The following ATXN3 variants were observed in gnomAD, a reference collection of about 807,000 sequenced individuals.
The protein encoded by ATXN3 is ataxin-3.
In ATXN3, 28 loss-of-function variants were observed where a neutral mutation model predicts 58.2. The ratio of observed to expected loss-of-function variants is 0.48; its 90% CI spans 0.36 to 0.66. ATXN3 has a LOEUF of 0.66. Among genes scored for constraint, ATXN3 ranks in the 30% least tolerant of loss-of-function variants. The probability of loss-of-function intolerance (pLI) is 0.00; values close to 1 mark genes in which losing one functional copy is unlikely to be tolerated. For synonymous variants in ATXN3, 113 were observed against 138.5 expected (o/e 0.82, Z 1.29); for missense variants, 321 against 422.1 (o/e 0.76, Z 2.10).
intron 5 of ATXN3, among the ~76,000 whole-genome samples, chr14:92,090,835 T>TTA (rs1163585418): frequency 6.6e-6 from 1 of 152,130 alleles, no homozygotes; most frequent in African/African-American, 2.4e-5. Flanking sequence ...ATCATAATTT[T>TTA]TAAAAACACA....
chr14:92,063,998 A>G lies in ATXN3; in HGVS notation c.*322T>C, dbSNP rs2057966468. 2 of 169,184 alleles carry G rather than the reference A, an allele frequency of 1.2e-5. No homozygotes were observed. The highest frequency in any genetic ancestry group is 6.3e-5 in the Admixed American group (1 of 15,958). The allele number at this position is 169,184 out of a possible 1,614,324, so 10.5% of individuals were successfully genotyped here. On this transcript the variant is annotated 3_prime_UTR_variant, in exon 11 of 11. Coordinates refer to ENST00000644486, the MANE Select transcript of ATXN3 (RefSeq NM_004993.6). The stretch of plus-strand genomic sequence containing the variant: ...TGGAAAAAGCCTGAGGCGAGAGCTA[A>G]TTAGCTAGTCTGCAAAAAGATCCAA...
In ATXN3 at chr14:92,061,667, G is replaced by C. The variant is rs1307318450; in HGVS notation, c.*2653C>G. On this transcript the variant is annotated 3_prime_UTR_variant, in exon 11 of 11. Coordinates refer to ENST00000644486, the MANE Select transcript of ATXN3 (RefSeq NM_004993.6). ...TAGCAGGACAGTTCTTGTGAATTTAGTTGTTCCTGACTTTCTTGCAGGTGG... is the reference window on the plus strand; with the variant it reads ...TAGCAGGACAGTTCTTGTGAATTTACTTGTTCCTGACTTTCTTGCAGGTGG... The C allele has an allele frequency of 6.6e-6, 1 of 152,192 alleles. No individual in the cohort carries two copies. The highest frequency in any genetic ancestry group is 2.4e-5 in the African/African-American group (1 of 41,448). The allele number at this position is 152,192 out of a possible 1,614,324, so 9.4% of individuals were successfully genotyped here.
At chr14:92,075,721 G>C (rs962131210) in intron 9 of ATXN3, among the ~76,000 whole-genome samples, 2 of 152,186 alleles carry the variant, frequency 1.3e-5, no homozygotes, top group African/African-American at 2.4e-5. Flanking sequence ...AGAACCTAGA[G>C]AGACAACGAA....
intron 10 of ATXN3, among the ~76,000 whole-genome samples, chr14:92,069,565 G>T (rs1595556748): frequency 6.6e-6 from 1 of 151,962 alleles, no homozygotes; most frequent in East Asian, 1.9e-4. Context: ...TAGAGACAGG[G>T]TTTTGCCATG....
intron 10 of ATXN3, among the ~76,000 whole-genome samples, chr14:92,068,257 G>T (rs2058791392): frequency 6.6e-6 from 1 of 152,224 alleles, no homozygotes; most frequent in Admixed American, 6.5e-5. Context: ...GGGGAGAAGT[G>T]TACCTTATGA....
Position 92,063,921 on chromosome 14 carries a change from T to TA in ATXN3, c.*398dup, listed in dbSNP as rs1247875071. 1 of 159,112 alleles carries TA rather than the reference T, an allele frequency of 6.3e-6. No individual in the cohort carries two copies. The highest frequency in any genetic ancestry group is 6.3e-5 in the Admixed American group (1 of 15,888). The allele number at this position is 159,112 out of a possible 1,614,324, so 9.9% of individuals were successfully genotyped here. A position where few individuals can be genotyped will look rare whatever the true frequency, so the allele number is the denominator to read the frequency against. On this transcript the variant is annotated 3_prime_UTR_variant, in exon 11 of 11. Transcript: ENST00000644486. The stretch of plus-strand genomic sequence containing the variant: ...GTTAATAAGAAATGAAAGCCACTAT[T>TA]ACATGATGTGAGCCAACTTACCTAC...
At chr14:92,104,047 C>T (rs1006924310) in intron 1 of ATXN3, among the ~76,000 whole-genome samples, 1 of 152,216 alleles carries the variant, frequency 6.6e-6, no homozygotes, top group Non-Finnish European at 1.5e-5. Context: ...TGAATCTTCA[C>T]ATGCTATGTA....
chr14:92,055,123 G>A (rs187872123), downstream of ATXN3, among the ~76,000 whole-genome samples: 60 of 152,182 alleles, frequency 3.9e-4, no homozygotes, highest in Non-Finnish European at 6.8e-4. This position sits in a 1 kb window ranked among gnomAD's most constrained non-coding sequence, Gnocchi z 4.5. Context: ...CTCGTGATCC[G>A]CCTGCCTCAG....
At chr14:92,095,907 A>C (rs1160545586) in intron 3 of ATXN3, among the ~76,000 whole-genome samples, 186 bp downstream of exon 3, 1 of 151,684 alleles carries the variant, frequency 6.6e-6, no homozygotes, top group Admixed American at 6.6e-5. Context: ...ACGCCACTGC[A>C]CTCCAGCCTA....
chr14:92,047,901 A>C (rs2057434360), exon 2 of ATXN3: 1 of 152,224 alleles, frequency 6.6e-6, no homozygotes, highest in African/African-American at 2.4e-5. Flanking sequence ...CCTACCCTCT[A>C]CTGTAAGAGT....
chr14:92,076,939 CAAAAAAAAAA>C (rs1157708694), intron 9 of ATXN3, among the ~76,000 whole-genome samples: 3 of 59,832 alleles, frequency 5.0e-5, no homozygotes, highest in African/African-American at 1.9e-4. Context: ...GATTTCGTCT[CAAAAAAAAAA>C]AAAAAAAAAA....
chr14:92,049,568 AAGGGTAGCAAG>A (rs144883351), intron 1 of ATXN3: 5,651 of 160,446 alleles, frequency 0.035, 298 homozygotes, highest in African/African-American at 0.12. Context: ...AGGGAGATTG[AAGGGTAGCAAG>A]AGAGGATGGA....
At chr14:92,056,298 T>C (rs1171060054), downstream of ATXN3, among the ~76,000 whole-genome samples, 1 of 152,222 alleles carries the variant, frequency 6.6e-6, no homozygotes. Flanking sequence ...GAATTTGACA[T>C]TTTCGGGCTT....
chr14:92,070,737 C>T (rs1347329293), intron 10 of ATXN3, 198 bp downstream of exon 10: 46 of 1,312,860 alleles, frequency 3.5e-5, no homozygotes, highest in Non-Finnish European at 4.3e-5. Context: ...TGAGCCACCA[C>T]ATCTAGCTTT....
chr14:92,049,380 G>T (rs894578580), intron 1 of ATXN3, among the ~76,000 whole-genome samples: 8 of 152,106 alleles, frequency 5.3e-5, no homozygotes, highest in Admixed American at 1.3e-4. Context: ...ATGGAGTGTG[G>T]GTGAATAATC....
At chr14:92,046,589 G>A (rs1247773032) in intron 2 of ATXN3, among the ~76,000 whole-genome samples, 1 of 139,382 alleles carries the variant, frequency 7.2e-6, no homozygotes, top group African/African-American at 2.9e-5. Flanking sequence ...GGGAGAGCTA[G>A]TGTGGGAGCA....
chr14:92,081,465 C>CAAAAAAAAAA (rs58398762), intron 8 of ATXN3, among the ~76,000 whole-genome samples: 1 of 82,974 alleles, frequency 1.2e-5, no homozygotes, highest in Non-Finnish European at 2.5e-5. Flanking sequence ...GACTCTGACT[C>CAAAAAAAAAA]AAAAAAAAAA....
downstream of ATXN3, among the ~76,000 whole-genome samples, chr14:92,055,578 C>T (rs1352227838): frequency 6.6e-6 from 1 of 152,152 alleles, no homozygotes; most frequent in Admixed American, 6.6e-5. This position sits in a 1 kb window ranked among gnomAD's most constrained non-coding sequence, Gnocchi z 4.5. Context: ...TTGACTATTC[C>T]AAAGATCTTA....
At position 92,063,820 on chromosome 14, in the gene ATXN3, A is replaced by G. The variant is rs1268072999; in HGVS notation, c.*500T>C. 1 of 152,514 alleles carries G rather than the reference A, an allele frequency of 6.6e-6. No individual in the cohort carries two copies. The highest frequency in any genetic ancestry group is 1.5e-5 in the Non-Finnish European group (1 of 68,298). The allele number at this position is 152,514 out of a possible 1,614,324, so 9.4% of individuals were successfully genotyped here. A position where few individuals can be genotyped will look rare whatever the true frequency, so the allele number is the denominator to read the frequency against. ...GCACACGGTATACAGTTGAAGGGAG[A>G]ACTGTTCATCCTTCTAGAACCATTA... On this transcript the variant is annotated 3_prime_UTR_variant, in exon 11 of 11. Coordinates refer to ENST00000644486, the MANE Select transcript of ATXN3 (RefSeq NM_004993.6).
Sources: gnomAD v4.1 joint callset for allele counts (sites outside exome capture counted in the v4.1 genomes callset) on GRCh38, gnomAD v4.1.1 for gene constraint, Gnocchi (gnomAD v3.1) non-coding constraint, MANE v1.5 for transcripts, NCBI Gene and HGNC (gene_info 2026-07-23, HGNC 2026-07-21) for gene names.